The following MECOM variants were observed in gnomAD, a reference collection of about 807,000 sequenced individuals.
MECOM encodes histone-lysine N-methyltransferase MECOM.
In MECOM, 13 loss-of-function variants were observed where a neutral mutation model predicts 116.3. The ratio of observed to expected loss-of-function variants is 0.11; its 90% CI spans 0.07 to 0.18. The LOEUF is 0.18. Ranked by LOEUF, MECOM falls within the 10% of genes least tolerant of loss-of-function variation. The pLI, the probability that MECOM is intolerant of heterozygous loss-of-function variation, is 1.00. For synonymous variants in MECOM, 528 were observed against 535.2 expected, an observed-to-expected ratio of 0.99 and a Z score of 0.19; for missense variants, 1,299 against 1,509.0, an observed-to-expected ratio of 0.86 and a Z score of 2.31.
intron 2 of MECOM, among the ~76,000 whole-genome samples, chr3:169,259,402 T>A (rs542931831): frequency 2.0e-4 from 30 of 152,286 alleles, no homozygotes; most frequent in Admixed American, 1.7e-3. Context: ...GCTTCTGGAT[T>A]CTATTAGGAT....
intron 1 of MECOM, among the ~76,000 whole-genome samples, chr3:169,615,586 T>C (rs925260909): frequency 3.3e-5 from 5 of 152,236 alleles, no homozygotes; most frequent in Admixed American, 2.6e-4. Flanking sequence ...CAAGTATCCA[T>C]AGAGATGGAC....
At chr3:169,477,101 G>GTATATATATA (rs1560326556) in intron 1 of MECOM, 4 of 51,634 alleles carry the variant, frequency 7.7e-5, no homozygotes, top group Non-Finnish European at 1.3e-4. Context: ...GTGTGTGTGT[G>GTATATATATA]TGTGTATATA....
chr3:169,365,351 G>A (rs1364157716), intron 2 of MECOM, among the ~76,000 whole-genome samples: 1 of 151,988 alleles, frequency 6.6e-6, no homozygotes, highest in East Asian at 1.9e-4. Flanking sequence ...TAGTATAGTC[G>A]CTTCTCTTCA....
chr3:169,635,156 T>C (rs1772578981), intron 1 of MECOM, among the ~76,000 whole-genome samples: 1 of 152,214 alleles, frequency 6.6e-6, no homozygotes, highest in African/African-American at 2.4e-5. Flanking sequence ...CCTTTATGAA[T>C]GGTGTGACTT....
intron 2 of MECOM, among the ~76,000 whole-genome samples, chr3:169,304,606 T>C (rs1193627192): frequency 1.3e-5 from 2 of 152,180 alleles, no homozygotes; most frequent in East Asian, 1.9e-4. Flanking sequence ...GAAGATAAAA[T>C]GGCAGTCTAG....
intron 1 of MECOM, among the ~76,000 whole-genome samples, chr3:169,652,707 A>G (rs1051175098): frequency 1.6e-4 from 24 of 152,344 alleles, no homozygotes; most frequent in African/African-American, 5.1e-4. Flanking sequence ...AACAAGATTC[A>G]ATACATTATC....
intron 1 of MECOM, among the ~76,000 whole-genome samples, chr3:169,484,944 G>A (rs1751928261): frequency 6.6e-6 from 1 of 152,090 alleles, no homozygotes; most frequent in South Asian, 2.1e-4. Context: ...GGGGCTTCAA[G>A]TGCACCTTTC....
intron 1 of MECOM, among the ~76,000 whole-genome samples, chr3:169,642,227 A>G (rs942175891): frequency 1.3e-5 from 2 of 152,206 alleles, no homozygotes; most frequent in Non-Finnish European, 2.9e-5. Context: ...GAAAGAATAC[A>G]GAGATGGTGC....
chr3:169,461,063 C>CTT (rs926504865), intron 1 of MECOM, among the ~76,000 whole-genome samples: 2 of 151,440 alleles, frequency 1.3e-5, no homozygotes, highest in East Asian at 3.9e-4. Flanking sequence ...CCAATGTTTT[C>CTT]TTTTTTTTTC....
intron 1 of MECOM, among the ~76,000 whole-genome samples, chr3:169,488,255 G>A (rs762476520): frequency 4.6e-5 from 7 of 151,550 alleles, no homozygotes; most frequent in African/African-American, 7.3e-5. Context: ...GGCCAGGCAC[G>A]GTAGTTCACA....
At chr3:169,266,448 C>G (rs1044753840) in intron 2 of MECOM, among the ~76,000 whole-genome samples, 1 of 152,206 alleles carries the variant, frequency 6.6e-6, no homozygotes, top group African/African-American at 2.4e-5. Context: ...CTATTTACTT[C>G]TAAATCGTTA....
chr3:169,565,584 A>G (rs1267832849), intron 1 of MECOM, among the ~76,000 whole-genome samples: 1 of 152,118 alleles, frequency 6.6e-6, no homozygotes, highest in Non-Finnish European at 1.5e-5. Flanking sequence ...CATGGCTTCC[A>G]TCCTTTAGCT....
intron 1 of MECOM, among the ~76,000 whole-genome samples, chr3:169,528,058 C>T (rs1010329207): frequency 6.6e-6 from 1 of 152,202 alleles, no homozygotes; most frequent in Non-Finnish European, 1.5e-5. Context: ...TCCATACCTA[C>T]TGCCTCATGG....
intron 2 of MECOM, among the ~76,000 whole-genome samples, chr3:169,196,529 A>G (rs1415733490): frequency 1.3e-5 from 2 of 152,094 alleles, no homozygotes; most frequent in South Asian, 4.1e-4. Flanking sequence ...TCACTTTGAA[A>G]TTACCTACTG....
At position 169,240,850 on chromosome 3, in the gene MECOM, T is replaced by A. The variant is rs180832386; in HGVS notation, c.376-97018A>T. On this transcript the variant is annotated intron_variant, in intron 2 of 16. Transcript: ENST00000651503. Reference sequence around the variant, plus strand: ...GATGAGCCCAAATCCCCCTTTTTATTATCTACTGTACACTTAGCTAATGCT... The same window carrying A: ...GATGAGCCCAAATCCCCCTTTTTATAATCTACTGTACACTTAGCTAATGCT... 9.8e-5 allele frequency among the ~76,000 whole-genome samples: 15 copies of A among 152,302 alleles called. No individual in the cohort carries two copies. The East Asian group carries it at 2.7e-3, about 27-fold the overall frequency.
intron 2 of MECOM, among the ~76,000 whole-genome samples, chr3:169,318,355 T>C (rs953330290): frequency 9.2e-5 from 14 of 151,788 alleles, no homozygotes; most frequent in African/African-American, 3.1e-4. Flanking sequence ...TGGGAGAAAA[T>C]TTTTGCAAAC....
chr3:169,191,419 G>C (rs1292899739), intron 2 of MECOM, among the ~76,000 whole-genome samples: 1 of 151,954 alleles, frequency 6.6e-6, no homozygotes, highest in African/African-American at 2.4e-5. Flanking sequence ...ATGAAGGCAG[G>C]TCTACGTTGA....
At chr3:169,407,115 G>A (rs1339815026) in intron 1 of MECOM, among the ~76,000 whole-genome samples, 2 of 151,962 alleles carry the variant, frequency 1.3e-5, no homozygotes, top group Non-Finnish European at 2.9e-5. Flanking sequence ...CCAAAGTGCT[G>A]GGATTACAGG....
At chr3:169,196,452 TA>T (rs1180059890) in intron 2 of MECOM, among the ~76,000 whole-genome samples, 2 of 152,056 alleles carry the variant, frequency 1.3e-5, no homozygotes, top group Non-Finnish European at 2.9e-5. Context: ...ACAATTTTCA[TA>T]AAGCTTTAAC....
Sources: gnomAD v4.1 joint callset for allele counts (sites outside exome capture counted in the v4.1 genomes callset) on GRCh38, gnomAD v4.1.1 for gene constraint, MANE v1.5 for transcripts, NCBI Gene and HGNC (gene_info 2026-07-23, HGNC 2026-07-21) for gene names.